Variants in TBC1D8 observed in about 807,000 individuals in gnomAD.
TBC1D8 encodes BUB2-like protein 1.
A neutral mutation model predicts 118.8 loss-of-function variants in TBC1D8; 65 were observed. That is an observed-to-expected ratio of 0.55 (90% confidence interval 0.45 to 0.67). TBC1D8 has a LOEUF of 0.67. Among genes scored for constraint, TBC1D8 ranks in the 30% least tolerant of loss-of-function variants. TBC1D8 has a pLI of 0.00. For synonymous variants in TBC1D8, 566 were observed against 595.8 expected (o/e 0.95, Z 0.73); for missense variants, 1,376 against 1,471.2 (o/e 0.94, Z 1.06).
intron 1 of TBC1D8, among the ~76,000 whole-genome samples, chr2:101,093,421 A>T (rs1676178604): frequency 6.6e-6 from 1 of 152,068 alleles, no homozygotes; most frequent in African/African-American, 2.4e-5. Flanking sequence ...TTGCATTTTC[A>T]TATATATCTA....
intron 1 of TBC1D8, among the ~76,000 whole-genome samples, chr2:101,130,980 C>T (rs917995340): frequency 6.6e-6 from 1 of 152,150 alleles, no homozygotes; most frequent in South Asian, 2.1e-4. Context: ...GATAAGATAC[C>T]CTCATACACA....
intron 3 of TBC1D8, among the ~76,000 whole-genome samples, chr2:101,056,666 G>A (rs564893900): frequency 3.3e-5 from 5 of 152,048 alleles, no homozygotes; most frequent in Non-Finnish European, 7.4e-5. Context: ...AATATATAAT[G>A]AGTGCTGAGC....
In TBC1D8 at chr2:101,007,768, T is replaced by C. The variant is rs1184570314; in HGVS notation, c.*53A>G. 1 of 1,552,546 alleles carries C rather than the reference T, an allele frequency of 6.4e-7. No individual in the cohort carries two copies. Among genetic ancestry groups the C allele is most frequent in the Non-Finnish European group, 8.8e-7 (1 of 1,138,792 alleles). On this transcript the variant is annotated 3_prime_UTR_variant, in exon 20 of 20. Coordinates refer to ENST00000409318, the MANE Select transcript of TBC1D8 (RefSeq NM_001330348.2). ...TTAGGGCTGACCCCAAGAAACAGTC[T>C]GGTTCGTGCTTTGGTATGGTGGACT...
intron 19 of TBC1D8, among the ~76,000 whole-genome samples, chr2:101,010,252 T>TATCA (rs149965205): frequency 6.0e-4 from 91 of 152,344 alleles, no homozygotes; most frequent in Non-Finnish European, 1.1e-3. Context: ...GAGACTCCTC[T>TATCA]ATCAGTACTG....
chr2:101,128,878 T>C (rs1203112792), intron 1 of TBC1D8, among the ~76,000 whole-genome samples: 4 of 152,118 alleles, frequency 2.6e-5, no homozygotes, highest in Non-Finnish European at 5.9e-5. Context: ...CTTGGGATAG[T>C]CAAATTCAGA....
intron 8 of TBC1D8, among the ~76,000 whole-genome samples, chr2:101,037,320 C>T (rs1016778005): frequency 3.3e-5 from 5 of 152,230 alleles, no homozygotes; most frequent in Non-Finnish European, 5.9e-5. Flanking sequence ...CTGAGAGCTG[C>T]GCGAGGTTTA....
chr2:101,144,840 A>T (rs1015390314), intron 1 of TBC1D8, among the ~76,000 whole-genome samples: 3 of 152,166 alleles, frequency 2.0e-5, no homozygotes, highest in African/African-American at 7.2e-5. Context: ...CAGGAGGCTG[A>T]GGCAGAAGAA....
At chr2:101,105,354 T>C (rs1422394437) in intron 1 of TBC1D8, among the ~76,000 whole-genome samples, 2 of 152,096 alleles carry the variant, frequency 1.3e-5, no homozygotes, top group South Asian at 2.1e-4. Flanking sequence ...CCACAGAAGA[T>C]ATACAGATGA....
At chr2:101,073,346 G>A (rs150369581) in intron 2 of TBC1D8, among the ~76,000 whole-genome samples, 2,160 of 148,580 alleles carry the variant, frequency 0.015, 46 homozygotes, top group South Asian at 0.018. Flanking sequence ...CCAGGCTGGA[G>A]TGCAGTGCCA....
chr2:101,119,312 A>C (rs1381105057), intron 1 of TBC1D8, among the ~76,000 whole-genome samples: 2 of 152,134 alleles, frequency 1.3e-5, no homozygotes, highest in Non-Finnish European at 2.9e-5. Context: ...GGGGAACAGT[A>C]TCAGTGAGAT....
intron 2 of TBC1D8, among the ~76,000 whole-genome samples, chr2:101,063,646 C>T (rs1018313960): frequency 2.0e-5 from 3 of 151,988 alleles, no homozygotes; most frequent in African/African-American, 4.8e-5. Flanking sequence ...TGTCCGTGAC[C>T]GCAAAAGATT....
chr2:101,030,930 G>A lies in TBC1D8; in HGVS notation c.1937-1154C>T, dbSNP rs545943141. On this transcript the variant is annotated intron_variant, in intron 11 of 19. Transcript: ENST00000409318. ...TACATTTATACAAGGTTCAAGAGTA[G>A]GCCAAATTAACCCATGGTGATAGAA... is the stretch of plus-strand genomic sequence containing the variant. Among the ~76,000 whole-genome samples, 94 of 152,300 alleles carry A rather than the reference G, an allele frequency of 6.2e-4. 2 individuals carry two copies. In the South Asian group the frequency reaches 0.019, roughly 31 times the overall value.
chr2:101,030,465 C>T (rs1364473613), intron 11 of TBC1D8, among the ~76,000 whole-genome samples: 1 of 152,192 alleles, frequency 6.6e-6, no homozygotes, highest in Non-Finnish European at 1.5e-5. Flanking sequence ...AATTATACCA[C>T]TTCTTACCCA....
intron 17 of TBC1D8, among the ~76,000 whole-genome samples, chr2:101,020,555 C>T (rs1262906433): frequency 1.3e-5 from 2 of 152,130 alleles, no homozygotes; most frequent in African/African-American, 4.8e-5. Flanking sequence ...CATAATAGTG[C>T]ATATTGTCAA....
chr2:101,033,561 TGGGG>T lies in TBC1D8; in HGVS notation c.1797_1800del (p.Asn599LysfsTer9). The T allele has an allele frequency of 6.2e-7, 1 of 1,613,862 alleles. No homozygotes were observed. The highest frequency in any genetic ancestry group is 8.5e-7 in the Non-Finnish European group (1 of 1,179,866). On this transcript the variant is annotated frameshift_variant, in exon 10 of 20. Coordinates refer to ENST00000409318, the MANE Select transcript of TBC1D8 (RefSeq NM_001330348.2). LOFTEE classifies it high-confidence loss of function. ...CCTTTCACCTGGCAGTATCCAATCT[TGGGG>T]TTCCGGTGGGCATAGGCCGTCAAGA...
intron 17 of TBC1D8, among the ~76,000 whole-genome samples, chr2:101,012,596 G>A (rs1055404962): frequency 1.4e-5 from 2 of 146,712 alleles, no homozygotes; most frequent in Non-Finnish European, 3.0e-5. Context: ...AAAATTGATT[G>A]TGGTGATCGC....
intron 10 of TBC1D8, 73 bp from the exon 11 acceptor site, chr2:101,032,458 C>T: frequency 8.0e-7 from 1 of 1,256,812 alleles, no homozygotes; most frequent in Non-Finnish European, 1.2e-6. Flanking sequence ...AGCATCCAAG[C>T]CCAAACAACC....
intron 17 of TBC1D8, among the ~76,000 whole-genome samples, chr2:101,013,782 CAT>C (rs1401101553): frequency 6.6e-6 from 1 of 152,260 alleles, no homozygotes; most frequent in African/African-American, 2.4e-5. Context: ...GTAGAATTCA[CAT>C]ATGGCTTTGA....
chr2:101,036,904 G>A (rs540559166), intron 8 of TBC1D8, among the ~76,000 whole-genome samples: 64 of 152,242 alleles, frequency 4.2e-4, no homozygotes, highest in Admixed American at 9.2e-4. Flanking sequence ...CTCAGTTTTG[G>A]ATAAATAAAA....
Sources: gnomAD v4.1 joint callset for allele counts (sites outside exome capture counted in the v4.1 genomes callset) on GRCh38, gnomAD v4.1.1 for gene constraint, MANE v1.5 for transcripts, NCBI Gene and HGNC (gene_info 2026-07-23, HGNC 2026-07-21) for gene names.